Variants in HTR1E observed in about 807,000 individuals in gnomAD.
HTR1E encodes the protein 5-HT-1E.
HTR1E carries 3 observed loss-of-function variants against 3.4 expected under a neutral mutation model. The observed-to-expected ratio is 0.89, with a 90% confidence interval of 0.41 to 2.31. The LOEUF is 2.31. HTR1E is among the 30% of genes most tolerant of loss of function. HTR1E has a pLI of 0.05. For missense variants in HTR1E, 392 were observed against 467.0 expected, an observed-to-expected ratio of 0.84 and a Z score of 1.48; for synonymous variants, 170 against 182.8, an observed-to-expected ratio of 0.93 and a Z score of 0.56.
chr6:86,984,903 A>AAG, intron 1 of HTR1E, among the ~76,000 whole-genome samples: 1 of 152,156 alleles, frequency 6.6e-6, no homozygotes, highest in African/African-American at 2.4e-5. Flanking sequence ...TGGGAGGGGG[A>AAG]GTGTGTAGAA....
chr6:86,975,556 C>A (rs1246006715), intron 1 of HTR1E, among the ~76,000 whole-genome samples: 1 of 152,008 alleles, frequency 6.6e-6, no homozygotes, highest in East Asian at 1.9e-4. Flanking sequence ...ATCCTTGTCA[C>A]CCTGCTTGGG....
chr6:87,000,617 A>G (rs1451266026), intron 1 of HTR1E, among the ~76,000 whole-genome samples: 1 of 152,248 alleles, frequency 6.6e-6, no homozygotes, highest in Non-Finnish European at 1.5e-5. Flanking sequence ...GCTGAAAGAA[A>G]ATAACTTTTA....
At chr6:87,014,069 C>G (rs1295295033) in intron 1 of HTR1E, among the ~76,000 whole-genome samples, 1 of 151,804 alleles carries the variant, frequency 6.6e-6, no homozygotes, top group Non-Finnish European at 1.5e-5. Context: ...ATGAGAACAC[C>G]TGGACACAGG....
rs143375570 is a variant in HTR1E, at chr6:86,957,737, G to A, written c.-186+19914G>A. On this transcript the variant is annotated intron_variant, in intron 1 of 1. Coordinates refer to ENST00000305344, the MANE Select transcript of HTR1E (RefSeq NM_000865.3). ...CATTGAGGAAAAGAAAGATTTTTAT[G>A]CATTTGCATGAAAAGGTTTCAAAGA... Among the ~76,000 whole-genome samples the A allele has an allele frequency of 4.4e-3, 665 of 152,294 alleles. 3 individuals are homozygous for A. The highest frequency in any genetic ancestry group is 0.014 in the South Asian group (69 of 4,826).
chr6:86,976,454 GT>G lies in HTR1E; in HGVS notation c.-186+38633del, dbSNP rs764173035. Among the ~76,000 whole-genome samples the G allele has an allele frequency of 2.6e-5, 4 of 152,152 alleles. No individual in the cohort carries two copies. The East Asian group carries it at 7.7e-4, about 29-fold the overall frequency. ...TAAGCAAGTAATGGAGAAACTGTTG[GT>G]TCATACACTTTTTGAGAACCAAACT... On this transcript the variant is annotated intron_variant, in intron 1 of 1. Coordinates refer to ENST00000305344, the MANE Select transcript of HTR1E (RefSeq NM_000865.3).
chr6:87,009,684 CG>C (rs1228963424), intron 1 of HTR1E, among the ~76,000 whole-genome samples: 3 of 144,480 alleles, frequency 2.1e-5, no homozygotes, highest in African/African-American at 5.3e-5. Context: ...GCTGGCCGGG[CG>C]GGGGGCCGAC....
chr6:86,988,496 G>T (rs924014601), intron 1 of HTR1E, among the ~76,000 whole-genome samples: 4 of 152,150 alleles, frequency 2.6e-5, no homozygotes, highest in African/African-American at 9.7e-5. Context: ...ACAGAATGAT[G>T]GATGCAGAGG....
intron 1 of HTR1E, among the ~76,000 whole-genome samples, chr6:86,969,921 G>T (rs1431882559): frequency 6.6e-6 from 1 of 152,192 alleles, no homozygotes; most frequent in Non-Finnish European, 1.5e-5. Context: ...TTACAACAAC[G>T]GGGGTCTACA....
chr6:86,969,640 G>A (rs1411546516), intron 1 of HTR1E, among the ~76,000 whole-genome samples: 1 of 152,116 alleles, frequency 6.6e-6, no homozygotes, highest in Non-Finnish European at 1.5e-5. Flanking sequence ...TTCACTCCCA[G>A]CTTTTAGTCA....
At chr6:86,959,458 T>C (rs1336526443) in intron 1 of HTR1E, among the ~76,000 whole-genome samples, 1 of 151,906 alleles carries the variant, frequency 6.6e-6, no homozygotes, top group Admixed American at 6.6e-5. Context: ...GGCACCTGTA[T>C]GTAATCCCCA....
intron 1 of HTR1E, among the ~76,000 whole-genome samples, chr6:86,943,167 G>A (rs1768567866): frequency 6.6e-6 from 1 of 152,148 alleles, no homozygotes; most frequent in East Asian, 1.9e-4. Context: ...GAAATTTGTA[G>A]CTATGTTTTG....
intron 1 of HTR1E, 131 bp from the exon 2 acceptor site, chr6:87,015,019 G>A (rs757130431): frequency 5.1e-5 from 9 of 176,702 alleles, no homozygotes; most frequent in East Asian, 1.4e-4. Flanking sequence ...ACAATGTAAC[G>A]ATGAGCTCAA....
chr6:87,016,034 G>T lies in HTR1E; in HGVS notation c.700G>T (p.Ala234Ser), dbSNP rs925927211. ...AAGCACAGATAGCCAGAATTCTTTT[G>T]CAAGTTGTAAACTTACACAGACTTT... The part of the protein sequence containing the change: ...NRSTDSQNSF[A>S]SCKLTQTFCV... The change falls in exon 2 of 2, where the codon GCA (alanine) becomes TCA (serine). Residue 234 changes from alanine to serine, a missense_variant. Transcript: ENST00000305344. 1.9e-6 allele frequency: 3 copies of T among 1,614,156 alleles called. No individual in the cohort carries two copies. Among genetic ancestry groups the T allele is most frequent in the Admixed American group, 1.7e-5 (1 of 60,020 alleles).
chr6:86,952,830 C>T (rs563119857), intron 1 of HTR1E, among the ~76,000 whole-genome samples: 1 of 152,274 alleles, frequency 6.6e-6, no homozygotes, highest in African/African-American at 2.4e-5. Flanking sequence ...AACATTCCCA[C>T]TCAAAAAATG....
chr6:86,973,160 C>T (rs2209639), intron 1 of HTR1E, among the ~76,000 whole-genome samples: 31,916 of 152,126 alleles, frequency 0.21, 3,861 homozygotes, highest in African/African-American at 0.32. Flanking sequence ...TCATTCTACC[C>T]TCCACCTTCT....
chr6:86,954,242 A>T (rs939776929), intron 1 of HTR1E, among the ~76,000 whole-genome samples: 1 of 152,142 alleles, frequency 6.6e-6, no homozygotes, highest in Non-Finnish European at 1.5e-5. Context: ...AGATATTTCC[A>T]TTTTTATTCA....
At chr6:86,999,626 T>C (rs1182745210) in intron 1 of HTR1E, among the ~76,000 whole-genome samples, 1 of 152,250 alleles carries the variant, frequency 6.6e-6, no homozygotes, top group Non-Finnish European at 1.5e-5. Context: ...CCTGATTTTC[T>C]CTACCAATGG....
intron 1 of HTR1E, among the ~76,000 whole-genome samples, chr6:87,005,856 C>T (rs1454734533): frequency 6.6e-6 from 1 of 151,960 alleles, no homozygotes; most frequent in African/African-American, 2.4e-5. Flanking sequence ...GAATAATAAC[C>T]AGAATATATA....
At chr6:86,977,781 T>TCATTTCGATTTG (rs1280119557) in intron 1 of HTR1E, among the ~76,000 whole-genome samples, 1 of 152,230 alleles carries the variant, frequency 6.6e-6, no homozygotes, top group Non-Finnish European at 1.5e-5. Context: ...ATTGTGATTA[T>TCATTTCGATTTG]CATTTCGATT....
Sources: allele counts gnomAD v4.1 joint callset (sites outside exome capture counted in the v4.1 genomes callset), GRCh38; gene constraint gnomAD v4.1.1; transcripts MANE v1.5; gene names NCBI Gene and HGNC (gene_info 2026-07-23, HGNC 2026-07-21).